TMEM117: variants seen among roughly 807,000 people sequenced by gnomAD.
TMEM117 encodes the protein transmembrane protein 117.
TMEM117 carries 27 observed loss-of-function variants against 52.4 expected under a neutral mutation model. The observed-to-expected ratio is 0.51, with a 90% CI of 0.38 to 0.71. The LOEUF (loss-of-function observed/expected upper bound fraction) is 0.71. Ranked by LOEUF, TMEM117 falls within the 30% of genes least tolerant of loss-of-function variation. TMEM117 has a pLI of 0.00. For synonymous variants in TMEM117, 215 were observed against 206.3 expected, an observed-to-expected ratio of 1.04 and a Z score of -0.36; for missense variants, 556 against 630.5, an observed-to-expected ratio of 0.88 and a Z score of 1.26.
chr12:43,947,888 A>C (rs372509961), intron 3 of TMEM117, among the ~76,000 whole-genome samples: 1 of 152,152 alleles, frequency 6.6e-6, no homozygotes, highest in Non-Finnish European at 1.5e-5. Context: ...GGGAAGAAGG[A>C]GTTTTCTTAG....
chr12:44,195,276 CCCTGGCCACCTTAGGT>C (rs1949403714), intron 4 of TMEM117, among the ~76,000 whole-genome samples: 1 of 152,166 alleles, frequency 6.6e-6, no homozygotes, highest in South Asian at 2.1e-4. Context: ...CTGGAAATGG[CCCTGGCCACCTTAGGT>C]CTTTTCAAAT....
intron 7 of TMEM117, among the ~76,000 whole-genome samples, chr12:44,385,074 G>A (rs538994363): frequency 9.9e-5 from 15 of 152,124 alleles, no homozygotes; most frequent in Non-Finnish European, 1.5e-4. Context: ...TAGAATAACC[G>A]TGGTCTAGAG....
chr12:43,967,132 C>CTTT (rs60114254), intron 3 of TMEM117, among the ~76,000 whole-genome samples: 4 of 145,908 alleles, frequency 2.7e-5, no homozygotes, highest in African/African-American at 7.5e-5. Flanking sequence ...ACTTCTTCTT[C>CTTT]TTTTTTTTTT....
At chr12:44,132,226 C>T (rs1246077851) in intron 3 of TMEM117, among the ~76,000 whole-genome samples, 1 of 149,288 alleles carries the variant, frequency 6.7e-6, no homozygotes, top group Non-Finnish European at 1.5e-5. Context: ...CTGTCTTTAA[C>T]CTAGACAAAT....
At chr12:44,104,352 T>C (rs1248684384) in intron 3 of TMEM117, among the ~76,000 whole-genome samples, 2 of 151,930 alleles carry the variant, frequency 1.3e-5, no homozygotes, top group Non-Finnish European at 2.9e-5. Flanking sequence ...ATTTTGAGCA[T>C]ACACAATCTC....
chr12:44,334,547 C>A (rs1565726983), intron 6 of TMEM117, among the ~76,000 whole-genome samples: 1 of 151,974 alleles, frequency 6.6e-6, no homozygotes, highest in Non-Finnish European at 1.5e-5. Flanking sequence ...CACATTTCAC[C>A]TGCATGATTC....
intron 2 of TMEM117, among the ~76,000 whole-genome samples, chr12:43,874,206 CA>C (rs1407806628): frequency 1.3e-5 from 2 of 152,052 alleles, no homozygotes; most frequent in Non-Finnish European, 2.9e-5. Flanking sequence ...TTAACTTTTG[CA>C]TTACAATAAA....
At chr12:44,005,600 C>T (rs58703100) in intron 3 of TMEM117, among the ~76,000 whole-genome samples, 4,867 of 152,294 alleles carry the variant, frequency 0.032, 175 homozygotes, top group African/African-American at 0.086. Flanking sequence ...GAGGTCACAG[C>T]GCTGTCCTTG....
chr12:44,334,772 C>T (rs534209975), intron 6 of TMEM117, among the ~76,000 whole-genome samples: 1 of 152,156 alleles, frequency 6.6e-6, no homozygotes, highest in South Asian at 2.1e-4. Context: ...CACTCCTCAA[C>T]TCTTGGCACA....
At chr12:44,340,819 A>G (rs976638873) in intron 6 of TMEM117, among the ~76,000 whole-genome samples, 3 of 152,056 alleles carry the variant, frequency 2.0e-5, no homozygotes, top group South Asian at 2.1e-4. Flanking sequence ...ATTTGCATCA[A>G]TTTATAGCAT....
intron 2 of TMEM117, among the ~76,000 whole-genome samples, chr12:43,855,939 C>T (rs531985421): frequency 2.1e-4 from 32 of 152,068 alleles, no homozygotes; most frequent in African/African-American, 6.0e-4. Flanking sequence ...ATGAAGAATT[C>T]GACATTTAGG....
At chr12:44,117,806 T>C (rs1038132022) in intron 3 of TMEM117, among the ~76,000 whole-genome samples, 5 of 152,192 alleles carry the variant, frequency 3.3e-5, no homozygotes, top group Non-Finnish European at 7.3e-5. Flanking sequence ...ATGATATTAT[T>C]TGACTCTCCT....
At chr12:43,884,209 A>G (rs1943950359) in intron 2 of TMEM117, among the ~76,000 whole-genome samples, 1 of 151,872 alleles carries the variant, frequency 6.6e-6, no homozygotes, top group Non-Finnish European at 1.5e-5. Context: ...ACCCATATTG[A>G]CAGCAGAGAG....
At position 44,214,487 on chromosome 12, in the gene TMEM117, A is replaced by G. The variant is rs1472018207; in HGVS notation, c.608+3100A>G. Among the ~76,000 whole-genome samples, 3 of 152,100 alleles carry G rather than the reference A, an allele frequency of 2.0e-5. No homozygotes were observed. In the East Asian group the frequency reaches 5.8e-4, roughly 29 times the overall value. On this transcript the variant is annotated intron_variant, in intron 5 of 7. Coordinates refer to ENST00000266534, the MANE Select transcript of TMEM117 (RefSeq NM_032256.3). ...CCGGCCTCAAATGGGTTTATTTTTA[A>G]CATATGTGATAACATAGCCCAGTGG...
At chr12:44,125,474 C>G (rs369972493) in intron 3 of TMEM117, among the ~76,000 whole-genome samples, 1 of 151,980 alleles carries the variant, frequency 6.6e-6, no homozygotes, top group Non-Finnish European at 1.5e-5. Flanking sequence ...CCATTTTTTT[C>G]CTAGATTTTC....
intron 3 of TMEM117, among the ~76,000 whole-genome samples, chr12:44,047,629 T>A (rs1447114274): frequency 6.6e-6 from 1 of 152,224 alleles, no homozygotes. Context: ...GAGTCAATAA[T>A]TTTACCAGCT....
chr12:43,924,605 T>C (rs1203655209), intron 2 of TMEM117, among the ~76,000 whole-genome samples: 1 of 152,204 alleles, frequency 6.6e-6, no homozygotes, highest in Non-Finnish European at 1.5e-5. Flanking sequence ...GTAAAATACA[T>C]ATTTACCCTA....
chr12:44,060,338 C>T (rs1565811635), intron 3 of TMEM117, among the ~76,000 whole-genome samples: 1 of 152,110 alleles, frequency 6.6e-6, no homozygotes. Flanking sequence ...TAGAAGGATT[C>T]AGGAACAGGT....
In TMEM117 at chr12:44,177,270, TG is replaced by T. The variant is rs531402201; in HGVS notation, c.510+33649del. On this transcript the variant is annotated intron_variant, in intron 4 of 7. Coordinates refer to ENST00000266534, the MANE Select transcript of TMEM117 (RefSeq NM_032256.3). Reference sequence around the variant, plus strand: ...CACTAGATAAAAAAATTGTATGTGCTGGGCAAAATATTATTGAGCATCCATT... The same window carrying T: ...CACTAGATAAAAAAATTGTATGTGCTGGCAAAATATTATTGAGCATCCATT... Among the ~76,000 whole-genome samples the T allele has an allele frequency of 5.3e-4, 81 of 152,282 alleles. 2 individuals are homozygous for T. Among genetic ancestry groups the T allele is most frequent in the African/African-American group, 1.9e-3 (81 of 41,580 alleles).
Sources: allele counts gnomAD v4.1 joint callset (sites outside exome capture counted in the v4.1 genomes callset), GRCh38; gene constraint gnomAD v4.1.1; transcripts MANE v1.5; gene names NCBI Gene and HGNC (gene_info 2026-07-23, HGNC 2026-07-21).